Variants in CFH observed in about 807,000 individuals in gnomAD.
The protein encoded by CFH is H factor 1 (complement).
CFH carries 53 observed loss-of-function variants against 147.3 expected under a neutral mutation model. The ratio of observed to expected loss-of-function variants is 0.36; its 90% confidence interval spans 0.29 to 0.45. The LOEUF is 0.45. Among genes scored for constraint, CFH ranks in the 20% least tolerant of loss-of-function variants. CFH has a pLI of 1.00. For synonymous variants in CFH, 536 were observed against 489.4 expected (o/e 1.10, Z -1.26); for missense variants, 1,380 against 1,498.0 (o/e 0.92, Z 1.30).
intron 15 of CFH, among the ~76,000 whole-genome samples, chr1:196,730,323 A>G (rs1669252850): frequency 6.6e-6 from 1 of 151,224 alleles, no homozygotes; most frequent in South Asian, 2.1e-4. Context: ...AATTTATTTA[A>G]AATGGTTTGA....
intron 4 of CFH, 143 bp downstream of exon 4, chr1:196,676,208 G>A: frequency 1.9e-6 from 1 of 523,152 alleles, no homozygotes; most frequent in African/African-American, 2.0e-5. Context: ...TGGGAATCTA[G>A]TCTTTTTATT....
intron 11 of CFH, among the ~76,000 whole-genome samples, chr1:196,718,879 G>A (rs1337242586): frequency 6.6e-6 from 1 of 151,992 alleles, no homozygotes; most frequent in Non-Finnish European, 1.5e-5. Flanking sequence ...TATAGTACAG[G>A]CCTCCAAACA....
chr1:196,702,536 AAAAC>A (rs58335053), intron 9 of CFH, among the ~76,000 whole-genome samples: 70,359 of 132,462 alleles, frequency 0.53, 17,111 homozygotes, highest in East Asian at 0.87. Flanking sequence ...AAAAAAAAAA[AAAAC>A]ATCCAAAGCA....
At chr1:196,710,730 T>G (rs1230957905) in intron 9 of CFH, among the ~76,000 whole-genome samples, 3 of 152,186 alleles carry the variant, frequency 2.0e-5, no homozygotes, top group Non-Finnish European at 2.9e-5. Context: ...TTTCAATCCA[T>G]GAATATTATA....
intron 1 of CFH, among the ~76,000 whole-genome samples, chr1:196,669,634 C>T (rs993261957): frequency 3.3e-5 from 5 of 152,204 alleles, no homozygotes; most frequent in African/African-American, 9.6e-5. Context: ...GAATACAAAA[C>T]CTCCACCTAG....
Position 196,673,936 on chromosome 1 carries a change from A to G in CFH, c.324A>G (p.Val108=). The G allele has an allele frequency of 6.2e-7, 1 of 1,612,908 alleles. No homozygotes were observed. Among genetic ancestry groups the G allele is most frequent in the Non-Finnish European group, 8.5e-7 (1 of 1,179,044 alleles). ...LTGGNVFEYG[V]KAVYTCNEGY... The stretch of plus-strand genomic sequence containing the variant: ...GAGGAAATGTGTTTGAATATGGTGT[A>G]AAAGCTGTGTATACATGTAATGAGG... Residue 108 remains valine (V), a synonymous_variant, in exon 3 of 22, where the codon GTA becomes GTG. Coordinates refer to ENST00000367429, the MANE Select transcript of CFH (RefSeq NM_000186.4).
At chr1:196,670,444 C>T (rs189517157) in intron 1 of CFH, among the ~76,000 whole-genome samples, 14 of 152,230 alleles carry the variant, frequency 9.2e-5, no homozygotes, top group Non-Finnish European at 1.6e-4. Flanking sequence ...CCCAGTGGGA[C>T]GTGCTTGGAT....
At chr1:196,742,517 G>A (rs946262659) in intron 19 of CFH, among the ~76,000 whole-genome samples, 3 of 152,098 alleles carry the variant, frequency 2.0e-5, no homozygotes, top group African/African-American at 7.2e-5. Context: ...CAAAGTAGTC[G>A]TATGCCTAAA....
At chr1:196,714,954 C>T (rs1668833008) in intron 10 of CFH, among the ~76,000 whole-genome samples, 1 of 151,384 alleles carries the variant, frequency 6.6e-6, no homozygotes, top group African/African-American at 2.4e-5. Flanking sequence ...TCCTGCCTCT[C>T]AGTAATATAT....
rs758809077 is a variant in CFH at position 196,736,837 on chromosome 1, A to G, written c.2427A>G (p.Gln809=). 45 of 1,489,796 alleles carry G rather than the reference A, an allele frequency of 3.0e-5. No individual in the cohort carries two copies. The highest frequency in any genetic ancestry group is 7.5e-5 in the East Asian group (3 of 40,230). The allele number at this position is 1,489,796 out of a possible 1,614,324, so 92.3% of individuals were successfully genotyped here. A position where few individuals can be genotyped will look rare whatever the true frequency, so the allele number is the denominator to read the frequency against. The change falls in exon 16 of 22, where the codon CAA becomes CAG. Residue 809 remains glutamine (Q), a synonymous_variant. Coordinates refer to ENST00000367429, the MANE Select transcript of CFH (RefSeq NM_000186.4). ...PEVNCSMAQI[Q]LCPPPPQIPN... is the part of the protein sequence containing the mutation. ...AATATTTTTTAGTGGCACAAATACA[A>G]TTATGCCCACCTCCACCTCAGATTC...
chr1:196,724,668 G>T (rs1482818692), intron 11 of CFH, among the ~76,000 whole-genome samples: 2 of 143,970 alleles, frequency 1.4e-5, no homozygotes, highest in Middle Eastern at 3.4e-3. Flanking sequence ...TTCAAGTTAT[G>T]ATCATTTACC....
chr1:196,684,479 G>C (rs1272035703), intron 6 of CFH, among the ~76,000 whole-genome samples: 3 of 151,974 alleles, frequency 2.0e-5, no homozygotes, highest in Admixed American at 1.3e-4. Context: ...TTAATTGTAA[G>C]AATCAAGTGA....
intron 6 of CFH, among the ~76,000 whole-genome samples, chr1:196,681,992 GAT>G (rs2149083485): frequency 6.6e-6 from 1 of 151,690 alleles, no homozygotes; most frequent in East Asian, 1.9e-4. Flanking sequence ...TAAATAATAA[GAT>G]AATATTAAAG....
chr1:196,681,059 T>C (rs1215570692), intron 6 of CFH, among the ~76,000 whole-genome samples: 4 of 151,972 alleles, frequency 2.6e-5, no homozygotes, highest in Non-Finnish European at 4.4e-5. Flanking sequence ...AGGAAGTGCA[T>C]GCACAAGTCC....
intron 15 of CFH, among the ~76,000 whole-genome samples, chr1:196,731,192 G>T (rs11799595): frequency 1.3e-5 from 2 of 151,502 alleles, no homozygotes; most frequent in Admixed American, 1.3e-4. Context: ...ACTTTCTGTA[G>T]CCATATGCTT....
In CFH at chr1:196,740,691, GAGA is replaced by G. The variant is rs774399812; in HGVS notation, c.2861_2863del (p.Glu954del). ...CACATGTCAGACAGTTATCAGTATG[GAGA>G]AGAAGTTACGTACAAATGTTTTGAA... On this transcript the variant is annotated inframe_deletion, in exon 18 of 22. Transcript: ENST00000367429. 2.0e-5 allele frequency: 32 copies of G among 1,613,946 alleles called. No individual in the cohort carries two copies. The highest frequency in any genetic ancestry group is 1.9e-5 in the Non-Finnish European group (23 of 1,179,952).
chr1:196,695,358 T>C (rs1668216352), intron 9 of CFH, among the ~76,000 whole-genome samples: 1 of 152,168 alleles, frequency 6.6e-6, no homozygotes, highest in East Asian at 1.9e-4. Flanking sequence ...TCTGCTCCAT[T>C]GGCCTATATA....
In CFH at chr1:196,725,241, C is replaced by T; in HGVS notation, c.1817C>T (p.Pro606Leu). Residue 606 changes from proline to leucine, a missense_variant, in exon 12 of 22, where the codon CCT (proline) becomes CTT (leucine). By Grantham distance (98) the Pro-to-Leu change is moderately conservative (BLOSUM62 -3). Transcript: ENST00000367429. The stretch of plus-strand genomic sequence containing the variant: ...AAACCAGGATTTACAATAGTTGGAC[C>T]TAATTCCGTTCAGTGCTACCACTTT... The part of the protein sequence containing the change: ...SCKPGFTIVG[P>L]NSVQCYHFGL... 1.2e-6 allele frequency: 2 copies of T among 1,613,916 alleles called. No homozygotes were observed. Among genetic ancestry groups the T allele is most frequent in the Non-Finnish European group, 8.5e-7 (1 of 1,179,902 alleles).
intron 15 of CFH, among the ~76,000 whole-genome samples, chr1:196,734,562 T>C (rs1353611255): frequency 6.6e-6 from 1 of 152,038 alleles, no homozygotes; most frequent in Admixed American, 6.6e-5. Context: ...TATTGGTCTC[T>C]GTTTACTTTA....
Sources: gnomAD v4.1 joint callset for allele counts (sites outside exome capture counted in the v4.1 genomes callset) on GRCh38, gnomAD v4.1.1 for gene constraint, MANE v1.5 for transcripts, NCBI Gene and HGNC (gene_info 2026-07-23, HGNC 2026-07-21) for gene names.